VPS13A: variants seen among roughly 807,000 people sequenced by gnomAD.
VPS13A encodes intermembrane lipid transfer protein VPS13A.
In VPS13A, 264 loss-of-function variants were observed where a neutral mutation model predicts 390.9. The observed-to-expected ratio is 0.68, with a 90% CI of 0.61 to 0.75. The LOEUF is 0.75. Ranked by LOEUF, VPS13A falls within the 30% of genes least tolerant of loss-of-function variation. The pLI, the probability that VPS13A is intolerant of heterozygous loss-of-function variation, is 0.00. For synonymous variants in VPS13A, 1,231 were observed against 1,227.1 expected (o/e 1.00, Z -0.07); for missense variants, 3,409 against 3,733.9 (o/e 0.91, Z 2.27).
Position 77,260,207 on chromosome 9 carries a change from C to G in VPS13A, c.2410C>G (p.Pro804Ala), listed in dbSNP as rs754311554. Residue 804 changes from proline to alanine, a missense_variant, in exon 23 of 72, where the codon CCT becomes GCT. Around this residue, in one of 5 missense-constraint regions of VPS13A, gnomAD observed 2,717 missense variants for 2,917.4 expected, o/e 0.93. Coordinates refer to ENST00000360280, the MANE Select transcript of VPS13A (RefSeq NM_033305.3). Reference sequence around the variant, plus strand: ...TGAACCAGTAACTGAAGTATCTGCCCCTGTCAAATCATTCCAGGTAATGTT... The same window carrying G: ...TGAACCAGTAACTGAAGTATCTGCCGCTGTCAAATCATTCCAGGTAATGTT... ...KPEPVTEVSA[P>A]VKSFQIQTST... 6.2e-7 allele frequency: 1 copy of G among 1,613,084 alleles called. No individual in the cohort carries two copies. Among genetic ancestry groups the G allele is most frequent in the Non-Finnish European group, 8.5e-7 (1 of 1,179,642 alleles).
chr9:77,230,800 AT>A (rs955571427), intron 17 of VPS13A, among the ~76,000 whole-genome samples: 36 of 152,270 alleles, frequency 2.4e-4, no homozygotes, highest in African/African-American at 7.7e-4. Flanking sequence ...TTGTGGATCA[AT>A]TTTGGGTGTA....
At chr9:77,346,041 G>A (rs1831132663) in intron 52 of VPS13A, among the ~76,000 whole-genome samples, 8 of 151,964 alleles carry the variant, frequency 5.3e-5, no homozygotes, top group Admixed American at 5.2e-4. Flanking sequence ...CCCAGTACTG[G>A]GATTGCTGGA....
intron 5 of VPS13A, among the ~76,000 whole-genome samples, chr9:77,207,252 T>TATATATACATAA: frequency 1.6e-3 from 138 of 87,236 alleles, no homozygotes; most frequent in Middle Eastern, 5.5e-3. Context: ...TATATATATA[T>TATATATACATAA]AAAACGTGTT....
Position 77,177,654 on chromosome 9 carries a change from C to T in VPS13A, c.-51C>T. Reference sequence around the variant, plus strand: ...CGAGGGAGGGGCGTGGGGAAGGCGGCGGGAGGAGGAGCGCACGGGCCGGCT... The same window carrying T: ...CGAGGGAGGGGCGTGGGGAAGGCGGTGGGAGGAGGAGCGCACGGGCCGGCT... On this transcript the variant is annotated 5_prime_UTR_variant, in exon 1 of 72. Coordinates refer to ENST00000360280, the MANE Select transcript of VPS13A (RefSeq NM_033305.3). 6.5e-7 allele frequency: 1 copy of T among 1,541,124 alleles called. No individual in the cohort carries two copies. The highest frequency in any genetic ancestry group is 8.9e-7 in the Non-Finnish European group (1 of 1,120,270).
chr9:77,395,617 A>T (rs1027334383), intron 68 of VPS13A: 1 of 152,228 alleles, frequency 6.6e-6, no homozygotes, highest in Non-Finnish European at 1.5e-5. Flanking sequence ...AATATCTGGG[A>T]AATACAATAA....
intron 19 of VPS13A, among the ~76,000 whole-genome samples, chr9:77,246,043 A>G (rs1824788261): frequency 1.3e-5 from 2 of 152,162 alleles, no homozygotes; most frequent in African/African-American, 4.8e-5. Flanking sequence ...CATGAGGACA[A>G]CATCAAGCCA....
intron 25 of VPS13A, 127 bp downstream of exon 25, chr9:77,275,779 C>A: frequency 8.7e-7 from 1 of 1,151,242 alleles, no homozygotes; most frequent in Non-Finnish European, 1.3e-6. Flanking sequence ...TCCAGACTTG[C>A]TGTGTGATTC....
In VPS13A at chr9:77,340,318, T is replaced by G. The variant is rs771059442; in HGVS notation, c.6879+36T>G. The G allele has an allele frequency of 6.9e-6, 11 of 1,601,576 alleles. No individual in the cohort carries two copies. In the African/African-American group the frequency reaches 1.5e-4, roughly 21 times the overall value. On this transcript the variant is annotated intron_variant, in intron 49 of 71. Transcript: ENST00000360280. ...TCTATGCTTATCAAGAAACTTTTAT[T>G]TTAAATGTTTCTATTAACTACTTAA... is the stretch of plus-strand genomic sequence containing the variant.
chr9:77,185,151 T>A (rs1379453526), intron 1 of VPS13A, among the ~76,000 whole-genome samples: 4 of 151,940 alleles, frequency 2.6e-5, no homozygotes. Context: ...TTATCTCTTT[T>A]TTTTTTTTTG....
chr9:77,221,408 T>C (rs781033887), intron 13 of VPS13A, 52 bp downstream of exon 13: 23 of 1,595,152 alleles, frequency 1.4e-5, no homozygotes, highest in African/African-American at 1.3e-4. Context: ...TAGCTCCTTA[T>C]TGGTCTTCAG....
At chr9:77,242,615 G>T (rs1203628695) in intron 19 of VPS13A, among the ~76,000 whole-genome samples, 2 of 151,940 alleles carry the variant, frequency 1.3e-5, no homozygotes, top group Admixed American at 6.6e-5. Flanking sequence ...ATTATATACT[G>T]AGTAGAAACC....
chr9:77,321,770 C>T lies in VPS13A; in HGVS notation c.5830+24C>T, dbSNP rs761885134. The T allele has an allele frequency of 3.7e-6, 6 of 1,611,934 alleles. No individual in the cohort carries two copies. The Admixed American group carries it at 6.7e-5, about 18-fold the overall frequency. The stretch of plus-strand genomic sequence containing the variant: ...TAGTAAGTAGTTGAAAAATTACCTT[C>T]CTGGGGCTATTTTGTTTTAAATTAC... On this transcript the variant is annotated intron_variant, in intron 44 of 71. Coordinates refer to ENST00000360280, the MANE Select transcript of VPS13A (RefSeq NM_033305.3).
intron 17 of VPS13A, among the ~76,000 whole-genome samples, chr9:77,235,960 C>T (rs1043158315): frequency 6.6e-6 from 1 of 152,074 alleles, no homozygotes; most frequent in Non-Finnish European, 1.5e-5. Context: ...CTTTTCAGTA[C>T]AGTACTGAAT....
rs150148995 is a variant in VPS13A, at chr9:77,387,871, A to G, written c.9189+5784A>G. ...TGCATACTTATGACATCAATATTCA[A>G]TGTGAAAAATACTGTTGTTTCTGTG... is the stretch of plus-strand genomic sequence containing the variant. On this transcript the variant is annotated intron_variant, in intron 68 of 71. Transcript: ENST00000360280. 2.1e-3 allele frequency among the ~76,000 whole-genome samples: 274 copies of G among 131,476 alleles called. 1 individual carries two copies. Among genetic ancestry groups the G allele is most frequent in the African/African-American group, 5.8e-3 (221 of 37,820 alleles). The allele number at this position is 131,476 out of a possible 152,430, so 86.3% of individuals were successfully genotyped here.
chr9:77,213,991 T>C (rs1369937978), intron 9 of VPS13A, among the ~76,000 whole-genome samples: 1 of 152,134 alleles, frequency 6.6e-6, no homozygotes, highest in South Asian at 2.1e-4. Flanking sequence ...TTGGCATGAA[T>C]ATGGCTAGGC....
chr9:77,178,125 T>G, intron 1 of VPS13A: 1 of 329,036 alleles, frequency 3.0e-6, no homozygotes, highest in Non-Finnish European at 5.8e-6. Flanking sequence ...TCTCTACCCC[T>G]GGCCCCGCAC....
intron 68 of VPS13A, 107 bp downstream of exon 68, chr9:77,382,194 C>T: frequency 7.5e-7 from 1 of 1,335,074 alleles, no homozygotes; most frequent in Non-Finnish European, 1.0e-6. Flanking sequence ...ATCTATTTTG[C>T]TTAATTCCAC....
chr9:77,226,721 T>C (rs547263811), intron 15 of VPS13A, 123 bp downstream of exon 15: 39 of 827,120 alleles, frequency 4.7e-5, no homozygotes, highest in Non-Finnish European at 5.9e-5. Context: ...TATAAAGTTA[T>C]TACAAATAAA....
rs1367115837 is a variant in VPS13A, at chr9:77,417,728, C to T, written c.*1722C>T. The T allele has an allele frequency of 6.6e-6, 1 of 152,148 alleles. No individual in the cohort carries two copies. The highest frequency in any genetic ancestry group is 1.5e-5 in the Non-Finnish European group (1 of 68,028). 9.4% of individuals were successfully genotyped at this position (152,148 alleles called of 1,614,324 possible). On this transcript the variant is annotated 3_prime_UTR_variant, in exon 72 of 72. Transcript: ENST00000360280. ...TCTCAGAAAAATTACAGTCCCCTGC[C>T]TCCCTGGGTGTAGTGTCGTGAAGTA...
Sources: gnomAD v4.1 joint callset for allele counts (sites outside exome capture counted in the v4.1 genomes callset) on GRCh38, gnomAD v4.1.1 for gene constraint, gnomAD v4.1.1 regional missense constraint, MANE v1.5 for transcripts, NCBI Gene and HGNC (gene_info 2026-07-23, HGNC 2026-07-21) for gene names.